The following MED26 variants were observed in gnomAD, a reference collection of about 807,000 sequenced individuals.
MED26 encodes the protein mediator of RNA polymerase II transcription subunit 26.
Under a neutral mutation model 43.7 loss-of-function variants are expected in MED26, and 7 were observed. The ratio of observed to expected loss-of-function variants is 0.16; its 90% CI spans 0.09 to 0.30. The LOEUF (loss-of-function observed/expected upper bound fraction) is 0.30. Among genes scored for constraint, MED26 ranks in the 10% least tolerant of loss-of-function variants. MED26 has a pLI of 1.00. For missense variants in MED26, 784 were observed against 840.6 expected, an observed-to-expected ratio of 0.93 and a Z score of 0.83; for synonymous variants, 375 against 371.1, an observed-to-expected ratio of 1.01 and a Z score of -0.12.
chr19:16,619,883 T>C (rs997770294), intron 1 of MED26, among the ~76,000 whole-genome samples: 1 of 151,940 alleles, frequency 6.6e-6, no homozygotes, highest in Non-Finnish European at 1.5e-5. Context: ...CCATAGCAAA[T>C]GAAAATCTGG....
At position 16,576,152 on chromosome 19, in the gene MED26, A is replaced by G; in HGVS notation, c.1678T>C (p.Trp560Arg). 6.2e-7 allele frequency: 1 copy of G among 1,613,850 alleles called. No homozygotes were observed. The highest frequency in any genetic ancestry group is 8.5e-7 in the Non-Finnish European group (1 of 1,180,006). The change falls in exon 3 of 3, where the codon TGG (tryptophan) becomes CGG (arginine). Residue 560 changes from tryptophan (W) to arginine (R), a missense_variant. Physicochemically the swap from Trp to Arg is moderately radical, Grantham distance 101 (BLOSUM62 -3). Around this residue, in one of 3 missense-constraint regions of MED26, gnomAD observed 719 missense variants for 730.9 expected, o/e 0.98. Transcript: ENST00000263390. This position sits in a 1 kb window ranked among gnomAD's most constrained non-coding sequence, Gnocchi z 6.8. ...TCCTGACACCCGTTCACCCCCGGCCACTGGCTGGCCTGGATTCTGTCGAGA... is the reference window on the plus strand; with the variant it reads ...TCCTGACACCCGTTCACCCCCGGCCGCTGGCTGGCCTGGATTCTGTCGAGA... ...DDLDRIQASQ[W>R]PGVNGCQDTQ...
chr19:16,584,302 C>A (rs35283125), intron 1 of MED26, among the ~76,000 whole-genome samples: 3,928 of 136,488 alleles, frequency 0.029, 184 homozygotes, highest in Admixed American at 0.086. Flanking sequence ...CTGCCCCCCC[C>A]CGCCCCGCCA....
At chr19:16,609,589 T>A (rs1341351316) in intron 1 of MED26, among the ~76,000 whole-genome samples, 1 of 152,154 alleles carries the variant, frequency 6.6e-6, no homozygotes, top group Non-Finnish European at 1.5e-5. Flanking sequence ...GAGAGCTGGT[T>A]GTCAAATTTT....
At chr19:16,625,849 A>T (rs990627416) in intron 1 of MED26, among the ~76,000 whole-genome samples, 1 of 152,178 alleles carries the variant, frequency 6.6e-6, no homozygotes, top group African/African-American at 2.4e-5. Flanking sequence ...ATCACAAAGG[A>T]GGCACTTTCC....
intron 1 of MED26, among the ~76,000 whole-genome samples, chr19:16,619,817 C>T (rs1401620465): frequency 2.0e-5 from 3 of 152,200 alleles, no homozygotes; most frequent in Admixed American, 6.5e-5. Context: ...ACAGCAGCCA[C>T]GAGGCTGACC....
chr19:16,574,919 T>C lies in MED26; in HGVS notation c.*1108A>G, dbSNP rs2085983320. The C allele has an allele frequency of 1.3e-5, 2 of 151,242 alleles. No individual in the cohort carries two copies. Among genetic ancestry groups the C allele is most frequent in the Admixed American group, 1.3e-4 (2 of 15,172 alleles). The allele number at this position is 151,242 out of a possible 1,614,324, so 9.4% of individuals were successfully genotyped here. On this transcript the variant is annotated 3_prime_UTR_variant, in exon 3 of 3. Coordinates refer to ENST00000263390, the MANE Select transcript of MED26 (RefSeq NM_004831.5). The stretch of plus-strand genomic sequence containing the variant: ...AGATTCTCAGACTGGTTTGTGCAAA[T>C]GGTTTTTTTTTTTTTTTTATTTCCA...
At position 16,576,854 on chromosome 19, in the gene MED26, CG is replaced by C; in HGVS notation, c.975del (p.Val326TyrfsTer95). 1 of 1,610,894 alleles carries C rather than the reference CG, an allele frequency of 6.2e-7. No homozygotes were observed. The highest frequency in any genetic ancestry group is 8.5e-7 in the Non-Finnish European group (1 of 1,178,826). On this transcript the variant is annotated frameshift_variant, in exon 3 of 3. Coordinates refer to ENST00000263390, the MANE Select transcript of MED26 (RefSeq NM_004831.5). LOFTEE classifies it high-confidence loss of function. This position sits in a 1 kb window ranked among gnomAD's most constrained non-coding sequence, Gnocchi z 6.8. ...CTGGGCAGCAGCTCGAGCCGCCGTA[CG>C]GGGGGTGTGGACGGCTGTGCCAGTG... The part of the protein sequence containing the change: ...PLPLAQPSTP[P>X]VRRLELLPSA...
intron 1 of MED26, among the ~76,000 whole-genome samples, chr19:16,625,198 G>A (rs1431058368): frequency 6.6e-6 from 1 of 152,180 alleles, no homozygotes; most frequent in Non-Finnish European, 1.5e-5. Flanking sequence ...GGAGAGTAGA[G>A]GATTTACTTT....
intron 2 of MED26, chr19:16,578,057 G>A: frequency 1.9e-6 from 1 of 520,844 alleles, no homozygotes; most frequent in East Asian, 3.5e-5. Context: ...GGTTGGGGAT[G>A]GTGCCTCTCA....
chr19:16,594,326 G>T (rs2086110936), intron 1 of MED26, among the ~76,000 whole-genome samples: 1 of 152,208 alleles, frequency 6.6e-6, no homozygotes, highest in Non-Finnish European at 1.5e-5. Context: ...TGGCTCTGGG[G>T]AAAGCCCAGC....
At chr19:16,579,992 G>A (rs1037811208) in intron 1 of MED26, among the ~76,000 whole-genome samples, 3 of 152,178 alleles carry the variant, frequency 2.0e-5, no homozygotes, top group Non-Finnish European at 2.9e-5. Context: ...GGGAAGGCCC[G>A]ACTTGAATGC....
At chr19:16,627,080 G>A (rs984040655) in intron 1 of MED26, among the ~76,000 whole-genome samples, 3 of 152,202 alleles carry the variant, frequency 2.0e-5, no homozygotes, top group African/African-American at 7.2e-5. Flanking sequence ...ACCCCCAGGT[G>A]AGGGAAAGAG....
intron 1 of MED26, among the ~76,000 whole-genome samples, chr19:16,591,716 G>A (rs1356307718): frequency 6.6e-6 from 1 of 152,202 alleles, no homozygotes; most frequent in Non-Finnish European, 1.5e-5. Context: ...ACGACAGTCT[G>A]CTCTCCCCAA....
At chr19:16,626,299 C>G (rs2086274393) in intron 1 of MED26, among the ~76,000 whole-genome samples, 2 of 152,186 alleles carry the variant, frequency 1.3e-5, no homozygotes, top group African/African-American at 4.8e-5. Flanking sequence ...AAAAGATGCA[C>G]AAGTCACCAA....
At chr19:16,595,028 C>T (rs1276045260) in intron 1 of MED26, among the ~76,000 whole-genome samples, 2 of 152,176 alleles carry the variant, frequency 1.3e-5, no homozygotes, top group African/African-American at 4.8e-5. Context: ...GGCCCCTCTA[C>T]AGTCTCAACT....
intron 1 of MED26, 74 bp downstream of exon 1, chr19:16,627,798 G>T: frequency 8.9e-7 from 1 of 1,118,772 alleles, no homozygotes; most frequent in Non-Finnish European, 1.2e-6. Context: ...AGCCCGGTGG[G>T]CGAGGGGTAC....
At chr19:16,610,241 G>A (rs1472348660) in intron 1 of MED26, 1 of 151,950 alleles carries the variant, frequency 6.6e-6, no homozygotes, top group African/African-American at 2.4e-5. Flanking sequence ...GCCTGGACAA[G>A]TAAAGTTTTT....
rs550209562 is a variant in MED26 at position 16,578,218 on chromosome 19, C to T, written c.147+117G>A. The T allele has an allele frequency of 2.7e-5, 27 of 983,752 alleles. No homozygotes were observed. The East Asian group carries it at 5.8e-4, about 21-fold the overall frequency. The allele number at this position is 983,752 out of a possible 1,614,324, so 60.9% of individuals were successfully genotyped here. A position where few individuals can be genotyped will look rare whatever the true frequency, so the allele number is the denominator to read the frequency against. ...CACGAGCTGTGAGGGCACACCGCCTCTCTTGGTCCTCCGAAGCAAAGACAC... is the reference window on the plus strand; with the variant it reads ...CACGAGCTGTGAGGGCACACCGCCTTTCTTGGTCCTCCGAAGCAAAGACAC... On this transcript the variant is annotated intron_variant, in intron 2 of 2. Coordinates refer to ENST00000263390, the MANE Select transcript of MED26 (RefSeq NM_004831.5).
At chr19:16,603,715 G>C (rs2086160249) in intron 1 of MED26, among the ~76,000 whole-genome samples, 1 of 152,148 alleles carries the variant, frequency 6.6e-6, no homozygotes, top group Admixed American at 6.5e-5. Context: ...AGGCCTCTTG[G>C]AGCCCACACA....
Sources: gnomAD v4.1 joint callset for allele counts (sites outside exome capture counted in the v4.1 genomes callset) on GRCh38, gnomAD v4.1.1 for gene constraint, gnomAD v4.1.1 regional missense constraint, Gnocchi (gnomAD v3.1) non-coding constraint, MANE v1.5 for transcripts, NCBI Gene and HGNC (gene_info 2026-07-23, HGNC 2026-07-21) for gene names.